The following OR8B8 variants were observed in gnomAD, a reference collection of about 807,000 sequenced individuals.
OR8B8 encodes the protein olfactory receptor 8B8.
In OR8B8, 8 loss-of-function variants were observed where a neutral mutation model predicts 10.5. The ratio of observed to expected loss-of-function variants is 0.76; its 90% CI spans 0.45 to 1.38. OR8B8 has a LOEUF of 1.38. OR8B8 is among the 40% of genes most tolerant of loss of function. The pLI is 0.00. For missense variants in OR8B8, 390 were observed against 380.5 expected (o/e 1.03, Z -0.21); for synonymous variants, 150 against 145.2 (o/e 1.03, Z -0.24).
At position 124,440,207 on chromosome 11, in the gene OR8B8, C is replaced by T. The variant is rs1434083638; in HGVS notation, c.879G>A (p.Arg293=). The T allele has an allele frequency of 6.2e-7, 1 of 1,614,020 alleles. No homozygotes were observed. The highest frequency in any genetic ancestry group is 8.5e-7 in the Non-Finnish European group (1 of 1,180,006). Residue 293 remains arginine, a synonymous_variant, in exon 3 of 3, where the codon AGG becomes AGA. Coordinates refer to ENST00000642064, the MANE Select transcript of OR8B8 (RefSeq NM_012378.2). ...TTAGAGCAACTTTGACGTCCTTATTCCTCAGGCTATAAATTAATGGGTTGA... is the reference window on the plus strand; with the variant it reads ...TTAGAGCAACTTTGACGTCCTTATTTCTCAGGCTATAAATTAATGGGTTGA... ...PMLNPLIYSL[R]NKDVKVALKK... is the part of the protein sequence containing the mutation.
In OR8B8 at chr11:124,440,137, C is replaced by T. The variant is rs771311969; in HGVS notation, c.*13G>A. 6.3e-7 allele frequency: 1 copy of T among 1,592,606 alleles called. No individual in the cohort carries two copies. The highest frequency in any genetic ancestry group is 1.1e-5 in the South Asian group (1 of 89,766). ...GGAGAAACAGTGTTTCTTTCCTGAG[C>T]ATTGCCCTTTTCTCAGGAGAATGCA... On this transcript the variant is annotated 3_prime_UTR_variant, in exon 3 of 3. Coordinates refer to ENST00000642064, the MANE Select transcript of OR8B8 (RefSeq NM_012378.2).
At position 124,440,236 on chromosome 11, in the gene OR8B8, T is replaced by C. The variant is rs1205977308; in HGVS notation, c.850A>G (p.Met284Val). 6.2e-7 allele frequency: 1 copy of C among 1,614,070 alleles called. No individual in the cohort carries two copies. The highest frequency in any genetic ancestry group is 1.7e-5 in the Admixed American group (1 of 60,014). Reference sequence around the variant, plus strand: ...AGGCTATAAATTAATGGGTTGAGCATGGGCACCACAGTGGTATAGAATAGG... The same window carrying C: ...AGGCTATAAATTAATGGGTTGAGCACGGGCACCACAGTGGTATAGAATAGG... ...SSLFYTTVVP[M>V]LNPLIYSLRN... The change falls in exon 3 of 3, where the codon ATG (methionine) becomes GTG (valine). Residue 284 changes from methionine to valine, a missense_variant. Physicochemically the swap from Met to Val is conservative, Grantham distance 21. Coordinates refer to ENST00000642064, the MANE Select transcript of OR8B8 (RefSeq NM_012378.2).
intron 1 of OR8B8, among the ~76,000 whole-genome samples, chr11:124,443,664 T>C (rs186667845): frequency 1.3e-5 from 2 of 152,290 alleles, no homozygotes; most frequent in East Asian, 3.9e-4. Flanking sequence ...CTGAATATTT[T>C]CACCAGGTCT....
chr11:124,444,521 C>G (rs1052476349), intron 1 of OR8B8, among the ~76,000 whole-genome samples: 1 of 152,078 alleles, frequency 6.6e-6, no homozygotes, highest in African/African-American at 2.4e-5. Context: ...CTGTCCTGTC[C>G]CTCCATGAAC....
rs540522199 is a variant in OR8B8, at chr11:124,440,945, G to C, written c.141C>G (p.Thr47=). 3.7e-6 allele frequency: 6 copies of C among 1,614,096 alleles called. No homozygotes were observed. In the South Asian group the frequency reaches 5.5e-5, roughly 15 times the overall value. Reference sequence around the variant, plus strand: ...GCAAGTGAGAGTTGAGCCTTATCAGGGTTATCAAGCCCAGGTTCCCCACCA... The same window carrying C: ...GCAAGTGAGAGTTGAGCCTTATCAGCGTTATCAAGCCCAGGTTCCCCACCA... ...VTVVGNLGLI[T]LIRLNSHLHT... The change falls in exon 3 of 3, where the codon ACC becomes ACG. Residue 47 remains threonine, a synonymous_variant. Transcript: ENST00000642064.
At chr11:124,441,690 G>A (rs933271798) in intron 1 of OR8B8, 67 bp from the exon 2 acceptor site, 1 of 153,036 alleles carries the variant, frequency 6.5e-6, no homozygotes, top group African/African-American at 2.4e-5. Flanking sequence ...CTGGAGCCTC[G>A]GCTGCCTCAG....
chr11:124,440,592 C>T lies in OR8B8; in HGVS notation c.494G>A (p.Gly165Asp), dbSNP rs1591448866. ...GAMAHTACMM[G>D]VTFCANNLVN... is the part of the protein sequence containing the mutation. Reference sequence around the variant, plus strand: ...AAGGTTATTGGCACAGAAGGTCACACCCATCATGCACGCTGTGTGGGCCAT... The same window carrying T: ...AAGGTTATTGGCACAGAAGGTCACATCCATCATGCACGCTGTGTGGGCCAT... Residue 165 changes from glycine to aspartate, a missense_variant, in exon 3 of 3, where the codon GGT becomes GAT. Gly to Asp is a moderately conservative substitution (Grantham distance 94). Transcript: ENST00000642064. 2 of 1,614,050 alleles carry T rather than the reference C, an allele frequency of 1.2e-6. No homozygotes were observed. Among genetic ancestry groups the T allele is most frequent in the Non-Finnish European group, 1.7e-6 (2 of 1,180,032 alleles).
intron 1 of OR8B8, among the ~76,000 whole-genome samples, chr11:124,442,981 C>A (rs1861490021): frequency 2.4e-5 from 1 of 41,106 alleles, no homozygotes; most frequent in Non-Finnish European, 4.6e-5. Context: ...AAATTAGAAT[C>A]TCCAGGGGTG....
At position 124,441,007 on chromosome 11, in the gene OR8B8, G is replaced by C. The variant is rs372561098; in HGVS notation, c.79C>G (p.Leu27Val). ...LTDQPGVQIP[L>V]FFLFLGFYVV... Reference sequence around the variant, plus strand: ...TAGAAGCCTAGAAACAGGAAGAAGAGGGGGATCTGGACTCCCGGTTGGTCA... The same window carrying C: ...TAGAAGCCTAGAAACAGGAAGAAGACGGGGATCTGGACTCCCGGTTGGTCA... The change falls in exon 3 of 3, where the codon CTC (leucine) becomes GTC (valine). Residue 27 changes from leucine to valine, a missense_variant. By Grantham distance (32) the Leu-to-Val change is conservative (BLOSUM62 1). Coordinates refer to ENST00000642064, the MANE Select transcript of OR8B8 (RefSeq NM_012378.2). 6.2e-7 allele frequency: 1 copy of C among 1,613,774 alleles called. No homozygotes were observed. The highest frequency in any genetic ancestry group is 1.3e-5 in the African/African-American group (1 of 74,922).
In OR8B8 at chr11:124,438,995, C is replaced by G. The variant is rs945995574; in HGVS notation, c.*1155G>C. The G allele has an allele frequency of 6.6e-6, 1 of 152,376 alleles. No homozygotes were observed. Among genetic ancestry groups the G allele is most frequent in the East Asian group, 1.9e-4 (1 of 5,196 alleles). The allele number at this position is 152,376 out of a possible 1,614,324, so 9.4% of individuals were successfully genotyped here. A position where few individuals can be genotyped will look rare whatever the true frequency, so the allele number is the denominator to read the frequency against. On this transcript the variant is annotated 3_prime_UTR_variant, in exon 3 of 3. Coordinates refer to ENST00000642064, the MANE Select transcript of OR8B8 (RefSeq NM_012378.2). ...CAGTTAAGGAATACCTCCCAGGATT[C>G]GGCGTGAGGCGCCAAGGGGCAGAAA...
Position 124,438,605 on chromosome 11 carries a change from G to A in OR8B8, c.*1545C>T, listed in dbSNP as rs1015602155. 6.6e-6 allele frequency: 1 copy of A among 152,190 alleles called. No homozygotes were observed. Among genetic ancestry groups the A allele is most frequent in the African/African-American group, 2.4e-5 (1 of 41,414 alleles). 9.4% of individuals were successfully genotyped at this position (152,190 alleles called of 1,614,324 possible). A position where few individuals can be genotyped will look rare whatever the true frequency, so the allele number is the denominator to read the frequency against. ...CATTTCTCCCACCCTTTATTGGAAGGTGCAGCAGTCAGGGTTTCTGCAAAA... is the reference window on the plus strand; with the variant it reads ...CATTTCTCCCACCCTTTATTGGAAGATGCAGCAGTCAGGGTTTCTGCAAAA... On this transcript the variant is annotated 3_prime_UTR_variant, in exon 3 of 3. Transcript: ENST00000642064.
rs1332123738 is a variant in OR8B8 at position 124,437,580 on chromosome 11, T to A, written c.*2570A>T. 1 of 152,480 alleles carries A rather than the reference T, an allele frequency of 6.6e-6. No homozygotes were observed. Among genetic ancestry groups the A allele is most frequent in the East Asian group, 1.9e-4 (1 of 5,178 alleles). The allele number at this position is 152,480 out of a possible 1,614,324, so 9.4% of individuals were successfully genotyped here. Reference sequence around the variant, plus strand: ...TGCCTCATAGACAGAGCCTTCTTGTTTTGTTCTTACATGGTAGAAGAGGTG... The same window carrying A: ...TGCCTCATAGACAGAGCCTTCTTGTATTGTTCTTACATGGTAGAAGAGGTG... On this transcript the variant is annotated 3_prime_UTR_variant, in exon 3 of 3. Coordinates refer to ENST00000642064, the MANE Select transcript of OR8B8 (RefSeq NM_012378.2).
At chr11:124,443,923 C>T (rs148500938) in intron 1 of OR8B8, among the ~76,000 whole-genome samples, 10 of 152,168 alleles carry the variant, frequency 6.6e-5, no homozygotes, top group Non-Finnish European at 1.0e-4. Context: ...GATCTGTAAG[C>T]GTGAAGGAAT....
At position 124,439,901 on chromosome 11, in the gene OR8B8, C is replaced by A. The variant is rs1391792236; in HGVS notation, c.*249G>T. 4 of 415,624 alleles carry A rather than the reference C, an allele frequency of 9.6e-6. No individual in the cohort carries two copies. The Admixed American group carries it at 1.2e-4, about 12-fold the overall frequency. 25.7% of individuals were successfully genotyped at this position (415,624 alleles called of 1,614,324 possible). A position where few individuals can be genotyped will look rare whatever the true frequency, so the allele number is the denominator to read the frequency against. On this transcript the variant is annotated 3_prime_UTR_variant, in exon 3 of 3. Transcript: ENST00000642064. Reference sequence around the variant, plus strand: ...TAGTCGCAGTTCCACTGCTGAGCAGCTGAGCGACCTCGGGGAAGGTACATA... The same window carrying A: ...TAGTCGCAGTTCCACTGCTGAGCAGATGAGCGACCTCGGGGAAGGTACATA...
rs74383090 is a variant in OR8B8, at chr11:124,440,603, C to T, written c.483G>A (p.Ala161=). 8.0e-3 allele frequency: 12,879 copies of T among 1,614,052 alleles called. 902 individuals are homozygous for T. In the African/African-American group the frequency reaches 0.15, roughly 19 times the overall value. ...MGFAGAMAHT[A]CMMGVTFCAN... ...CACAGAAGGTCACACCCATCATGCACGCTGTGTGGGCCATGGCCCCAGCAA... is the reference window on the plus strand; with the variant it reads ...CACAGAAGGTCACACCCATCATGCATGCTGTGTGGGCCATGGCCCCAGCAA... The change falls in exon 3 of 3, where the codon GCG becomes GCA. Residue 161 remains alanine (A), a synonymous_variant. Coordinates refer to ENST00000642064, the MANE Select transcript of OR8B8 (RefSeq NM_012378.2).
At chr11:124,445,154 C>G (rs1283053644) in intron 1 of OR8B8, among the ~76,000 whole-genome samples, 1 of 152,172 alleles carries the variant, frequency 6.6e-6, no homozygotes, top group Non-Finnish European at 1.5e-5. Context: ...AGCAAAAATT[C>G]CTCTTCCCCA....
intron 1 of OR8B8, among the ~76,000 whole-genome samples, chr11:124,445,115 C>T (rs1861515271): frequency 6.6e-6 from 1 of 152,170 alleles, no homozygotes; most frequent in Admixed American, 6.5e-5. Flanking sequence ...ATTTTCTCTT[C>T]CTATACCCAT....
intron 1 of OR8B8, among the ~76,000 whole-genome samples, chr11:124,444,648 A>G (rs1404272379): frequency 6.6e-6 from 1 of 152,234 alleles, no homozygotes; most frequent in Non-Finnish European, 1.5e-5. Flanking sequence ...AATGGGGATG[A>G]TGGCGATAAT....
In OR8B8 at chr11:124,438,949, G is replaced by A. The variant is rs1861433081; in HGVS notation, c.*1201C>T. ...ATGTTGCCATTGGTCTAACCCAACT[G>A]AAACCAGAGGGCAAGGGGACCAGTT... On this transcript the variant is annotated 3_prime_UTR_variant, in exon 3 of 3. Transcript: ENST00000642064. 6.6e-6 allele frequency: 1 copy of A among 152,286 alleles called. No individual in the cohort carries two copies. The highest frequency in any genetic ancestry group is 2.4e-5 in the African/African-American group (1 of 41,474). The allele number at this position is 152,286 out of a possible 1,614,324, so 9.4% of individuals were successfully genotyped here. A position where few individuals can be genotyped will look rare whatever the true frequency, so the allele number is the denominator to read the frequency against.
Sources: allele counts gnomAD v4.1 joint callset (sites outside exome capture counted in the v4.1 genomes callset), GRCh38; gene constraint gnomAD v4.1.1; transcripts MANE v1.5; gene names NCBI Gene and HGNC (gene_info 2026-07-23, HGNC 2026-07-21).